The following RYR3 variants were observed in gnomAD, a reference collection of about 807,000 sequenced individuals.
The protein encoded by RYR3 is brain ryanodine receptor-calcium release channel.
A neutral mutation model predicts 584.3 loss-of-function variants in RYR3; 207 were observed. The ratio of observed to expected loss-of-function variants is 0.35; its 90% confidence interval spans 0.32 to 0.40. RYR3 has a LOEUF of 0.40. Among genes scored for constraint, RYR3 ranks in the 10% least tolerant of loss-of-function variants. The probability of loss-of-function intolerance (pLI) is 1.00; values close to 1 mark genes in which losing one functional copy is unlikely to be tolerated. For missense variants in RYR3, 5,616 were observed against 6,089.2 expected (o/e 0.92, Z 2.59); for synonymous variants, 2,416 against 2,248.5 (o/e 1.07, Z -2.11).
intron 53 of RYR3, among the ~76,000 whole-genome samples, chr15:33,746,467 G>A (rs1012583481): frequency 1.3e-5 from 2 of 152,190 alleles, no homozygotes; most frequent in African/African-American, 4.8e-5. Flanking sequence ...GTTTGGTTAG[G>A]GCGGGGCAGG....
chr15:33,667,942 A>G (rs2063577135), intron 36 of RYR3, among the ~76,000 whole-genome samples: 1 of 151,830 alleles, frequency 6.6e-6, no homozygotes, highest in Non-Finnish European at 1.5e-5. Context: ...GCGCACCTGT[A>G]ATCCCAGCTA....
chr15:33,669,094 C>T (rs1315874049), intron 36 of RYR3, among the ~76,000 whole-genome samples: 2 of 151,842 alleles, frequency 1.3e-5, no homozygotes, highest in African/African-American at 4.8e-5. Context: ...AAAATATTAA[C>T]AGTAGTTATC....
intron 2 of RYR3, among the ~76,000 whole-genome samples, chr15:33,496,131 T>C (rs1423878197): frequency 6.6e-6 from 1 of 152,196 alleles, no homozygotes; most frequent in African/African-American, 2.4e-5. Flanking sequence ...CTAGGAGAGC[T>C]TGAGAAGTCT....
At chr15:33,663,444 G>C in intron 35 of RYR3, 93 bp from the exon 36 acceptor site, 1 of 1,080,302 alleles carries the variant, frequency 9.3e-7, no homozygotes, top group Admixed American at 2.1e-5. Flanking sequence ...AATTTACTTT[G>C]TCTAAGTCTC....
At position 33,481,238 on chromosome 15, in the gene RYR3, T is replaced by C. The variant is rs544247031; in HGVS notation, c.171+7700T>C. 1.2e-4 allele frequency among the ~76,000 whole-genome samples: 18 copies of C among 152,290 alleles called. No homozygotes were observed. In the South Asian group the frequency reaches 2.5e-3, roughly 21 times the overall value. Reference sequence around the variant, plus strand: ...GTATCCCTTATAAACAACATATAGGTAAGTACTGTTTTCCTACCCCATTTT... The same window carrying C: ...GTATCCCTTATAAACAACATATAGGCAAGTACTGTTTTCCTACCCCATTTT... On this transcript the variant is annotated intron_variant, in intron 2 of 103. Coordinates refer to ENST00000634891, the MANE Select transcript of RYR3 (RefSeq NM_001036.6).
intron 14 of RYR3, among the ~76,000 whole-genome samples, chr15:33,583,549 T>C (rs1475816450): frequency 6.6e-6 from 1 of 152,198 alleles, no homozygotes; most frequent in African/African-American, 2.4e-5. Context: ...TCTGAACAAC[T>C]GGACCGGTGT....
At chr15:33,754,316 ACTT>A (rs1387144872) in intron 57 of RYR3, among the ~76,000 whole-genome samples, 6 of 152,130 alleles carry the variant, frequency 3.9e-5, no homozygotes, top group African/African-American at 1.4e-4. Context: ...TCTATTGAAA[ACTT>A]CTAATAGCTT....
intron 43 of RYR3, among the ~76,000 whole-genome samples, chr15:33,710,156 A>G (rs2066995699): frequency 6.6e-6 from 1 of 152,164 alleles, no homozygotes; most frequent in African/African-American, 2.4e-5. Context: ...TATTAAGAAG[A>G]GAGGTTTAAT....
At chr15:33,477,345 TGA>T (rs1378177610) in intron 2 of RYR3, among the ~76,000 whole-genome samples, 1 of 150,038 alleles carries the variant, frequency 6.7e-6, no homozygotes, top group African/African-American at 2.5e-5. Context: ...AGCAAAGGAG[TGA>T]GAGGATAGAA....
chr15:33,766,577 T>A (rs906903765), intron 60 of RYR3, among the ~76,000 whole-genome samples: 1 of 152,228 alleles, frequency 6.6e-6, no homozygotes, highest in African/African-American at 2.4e-5. Context: ...AGATTATTAA[T>A]TCATGGAAAT....
At position 33,757,536 on chromosome 15, in the gene RYR3, C is replaced by T. The variant is rs746688809; in HGVS notation, c.8645C>T (p.Pro2882Leu). Residue 2882 changes from proline (P) to leucine (L), a missense_variant, in exon 60 of 104, where the codon CCT (proline) becomes CTT (leucine). Physicochemically the swap from Pro to Leu is moderately conservative, Grantham distance 98 (BLOSUM62 -3). Around this residue, in one of 9 missense-constraint regions of RYR3, gnomAD observed 1,280 missense variants for 1,426.2 expected, o/e 0.90. Coordinates refer to ENST00000634891, the MANE Select transcript of RYR3 (RefSeq NM_001036.6). The stretch of plus-strand genomic sequence containing the variant: ...CATTGCCTCTACTTCTTGTCATCCC[C>T]TCTGAAGCCCCTTAGCAGCAGCGGA... ...TSHCLYFLSS[P>L]LKPLSSSGYA... 2.5e-5 allele frequency: 41 copies of T among 1,611,312 alleles called. No individual in the cohort carries two copies. Among genetic ancestry groups the T allele is most frequent in the Non-Finnish European group, 3.2e-5 (38 of 1,179,112 alleles).
At chr15:33,781,254 C>G (rs568825890) in intron 65 of RYR3, among the ~76,000 whole-genome samples, 1 of 152,244 alleles carries the variant, frequency 6.6e-6, no homozygotes, top group South Asian at 2.1e-4. Flanking sequence ...AGCTTGGACT[C>G]CAACTAGAAA....
At chr15:33,849,989 T>C (rs1355578330) in intron 94 of RYR3, 7 of 152,200 alleles carry the variant, frequency 4.6e-5, no homozygotes, top group South Asian at 2.1e-4. Context: ...TTAGACACTA[T>C]TGAATAGTTT....
At chr15:33,782,479 C>T (rs574104831) in intron 65 of RYR3, among the ~76,000 whole-genome samples, 3 of 152,264 alleles carry the variant, frequency 2.0e-5, no homozygotes, top group Non-Finnish European at 4.4e-5. Flanking sequence ...TGTCCAGCTC[C>T]CCTGAGCCCA....
intron 81 of RYR3, 86 bp downstream of exon 81, chr15:33,823,158 G>A: frequency 2.8e-6 from 3 of 1,082,930 alleles, no homozygotes; most frequent in Non-Finnish European, 2.7e-6. Flanking sequence ...AAAATATACT[G>A]GCCTACCATA....
At chr15:33,353,242 C>T (rs1246214496) in intron 1 of RYR3, among the ~76,000 whole-genome samples, 1 of 152,026 alleles carries the variant, frequency 6.6e-6, no homozygotes, top group Non-Finnish European at 1.5e-5. Flanking sequence ...ATTCTATATG[C>T]CAAGGAAAGT....
chr15:33,652,719 G>A lies in RYR3; in HGVS notation c.4144G>A (p.Val1382Met). 6.2e-7 allele frequency: 1 copy of A among 1,612,952 alleles called. No homozygotes were observed. Among genetic ancestry groups the A allele is most frequent in the Non-Finnish European group, 8.5e-7 (1 of 1,179,436 alleles). ...GDERGRVHES[V>M]KRSNCYMVWG... is the part of the protein sequence containing the mutation. ...GCCTTTTCCTGTCTTGGCTCCTAGT[G>A]TGAAACGCAGCAACTGCTACATGGT... The change falls in exon 32 of 104, where the codon GTG (valine) becomes ATG (methionine). Residue 1382 changes from valine (V) to methionine (M), a missense_variant and splice_region_variant. Physicochemically the swap from Val to Met is conservative, Grantham distance 21. Coordinates refer to ENST00000634891, the MANE Select transcript of RYR3 (RefSeq NM_001036.6).
chr15:33,653,456 G>T (rs889535001), intron 32 of RYR3, among the ~76,000 whole-genome samples: 1 of 152,106 alleles, frequency 6.6e-6, no homozygotes, highest in Non-Finnish European at 1.5e-5. Context: ...GGGATCATGA[G>T]GTCAGGAGAT....
At chr15:33,784,597 C>T (rs567847201) in intron 65 of RYR3, among the ~76,000 whole-genome samples, 9 of 152,296 alleles carry the variant, frequency 5.9e-5, no homozygotes, top group Middle Eastern at 3.4e-3. Flanking sequence ...CCTTCAGTGC[C>T]GGATGTTTTT....
Sources: gnomAD v4.1 joint callset for allele counts (sites outside exome capture counted in the v4.1 genomes callset) on GRCh38, gnomAD v4.1.1 for gene constraint, gnomAD v4.1.1 regional missense constraint, MANE v1.5 for transcripts, NCBI Gene and HGNC (gene_info 2026-07-23, HGNC 2026-07-21) for gene names.